The following PDE7B variants were observed in gnomAD, a reference collection of about 807,000 sequenced individuals.
The protein encoded by PDE7B is phosphodiesterase 7B.
Under a neutral mutation model 56.2 loss-of-function variants are expected in PDE7B, and 29 were observed. The ratio of observed to expected loss-of-function variants is 0.52; its 90% CI spans 0.38 to 0.70. The LOEUF is 0.70. Among genes scored for constraint, PDE7B ranks in the 30% least tolerant of loss-of-function variants. The probability of loss-of-function intolerance (pLI) is 0.00; values close to 1 mark genes in which losing one functional copy is unlikely to be tolerated. For missense variants in PDE7B, 490 were observed against 565.0 expected (o/e 0.87, Z 1.35); for synonymous variants, 197 against 196.9 (o/e 1.00, Z 0.00).
chr6:136,011,726 C>T (rs549727959), intron 2 of PDE7B, among the ~76,000 whole-genome samples: 1 of 152,246 alleles, frequency 6.6e-6, no homozygotes, highest in African/African-American at 2.4e-5. Context: ...AGTTGCTAAC[C>T]TGATGAAACA....
At chr6:136,184,137 T>C in intron 11 of PDE7B, among the ~76,000 whole-genome samples, 1 of 152,234 alleles carries the variant, frequency 6.6e-6, no homozygotes, top group East Asian at 1.9e-4. Context: ...GGAGATATTA[T>C]GAAGAATGCA....
chr6:135,955,216 C>T (rs75752821), intron 2 of PDE7B, among the ~76,000 whole-genome samples: 31 of 152,004 alleles, frequency 2.0e-4, no homozygotes, highest in African/African-American at 6.5e-4. Flanking sequence ...GACACAGGGA[C>T]GACCACACAA....
intron 2 of PDE7B, among the ~76,000 whole-genome samples, chr6:135,957,675 G>C (rs1323520738): frequency 6.6e-6 from 1 of 152,114 alleles, no homozygotes; most frequent in Non-Finnish European, 1.5e-5. Flanking sequence ...AGCACCCTGT[G>C]TTGGCCTAGA....
chr6:135,906,519 T>A (rs1776107925), intron 1 of PDE7B, among the ~76,000 whole-genome samples: 1 of 152,166 alleles, frequency 6.6e-6, no homozygotes, highest in South Asian at 2.1e-4. Context: ...TTACAGCTCT[T>A]GCCCACCCAA....
At chr6:136,013,381 G>A (rs1399883143) in intron 2 of PDE7B, among the ~76,000 whole-genome samples, 1 of 152,200 alleles carries the variant, frequency 6.6e-6, no homozygotes, top group Non-Finnish European at 1.5e-5. Context: ...TCCAAATCCT[G>A]TAGACTGGAA....
At chr6:135,936,954 T>C (rs1248175538) in intron 1 of PDE7B, among the ~76,000 whole-genome samples, 1 of 152,228 alleles carries the variant, frequency 6.6e-6, no homozygotes, top group Non-Finnish European at 1.5e-5. Flanking sequence ...AAGAAATCTA[T>C]CTGATTGTGA....
At chr6:135,944,981 T>C (rs1327610158) in intron 1 of PDE7B, among the ~76,000 whole-genome samples, 1 of 152,212 alleles carries the variant, frequency 6.6e-6, no homozygotes, top group Non-Finnish European at 1.5e-5. Context: ...TGTGAATTGA[T>C]AGAGCTTCCT....
At chr6:136,063,124 C>A (rs1776871531) in intron 2 of PDE7B, among the ~76,000 whole-genome samples, 1 of 152,054 alleles carries the variant, frequency 6.6e-6, no homozygotes, top group Non-Finnish European at 1.5e-5. Flanking sequence ...TATTAGCGAC[C>A]CTGCCTACAA....
At chr6:136,174,020 T>C in intron 9 of PDE7B, 132 bp downstream of exon 9, 1 of 658,506 alleles carries the variant, frequency 1.5e-6, no homozygotes, top group South Asian at 1.8e-5. Flanking sequence ...TGCACTGAGC[T>C]GTCTATCAGA....
At chr6:136,109,365 G>A (rs981590548) in intron 3 of PDE7B, among the ~76,000 whole-genome samples, 3 of 152,164 alleles carry the variant, frequency 2.0e-5, no homozygotes, top group Non-Finnish European at 4.4e-5. Context: ...CTCAAAAACT[G>A]TGATGCCCTA....
intron 2 of PDE7B, among the ~76,000 whole-genome samples, chr6:135,959,973 C>A (rs1358383139): frequency 6.6e-6 from 1 of 152,100 alleles, no homozygotes; most frequent in African/African-American, 2.4e-5. Context: ...GGGGTTTCAC[C>A]ATCTTGCCCA....
chr6:135,955,836 T>C (rs1403506559), intron 2 of PDE7B, among the ~76,000 whole-genome samples: 1 of 152,116 alleles, frequency 6.6e-6, no homozygotes, highest in Non-Finnish European at 1.5e-5. Flanking sequence ...GTATGAAGTG[T>C]TATTAAACAG....
At chr6:136,046,408 T>C (rs1776508973) in intron 2 of PDE7B, 1 of 152,200 alleles carries the variant, frequency 6.6e-6, no homozygotes, top group Admixed American at 6.5e-5. Flanking sequence ...TTAAACTTGT[T>C]AATTAGCACC....
intron 8 of PDE7B, 42 bp downstream of exon 8, chr6:136,155,800 C>A (rs751788124): frequency 6.2e-7 from 1 of 1,603,308 alleles, no homozygotes; most frequent in Non-Finnish European, 8.5e-7. Context: ...TATGGTCAAT[C>A]GCCTTAGGCC....
At chr6:136,061,293 C>T (rs904091209) in intron 2 of PDE7B, among the ~76,000 whole-genome samples, 2 of 152,132 alleles carry the variant, frequency 1.3e-5, no homozygotes, top group African/African-American at 2.4e-5. Flanking sequence ...AAAATATTCA[C>T]ACCGTTACAT....
At chr6:135,896,035 T>G (rs1286791495) in intron 1 of PDE7B, among the ~76,000 whole-genome samples, 1 of 152,176 alleles carries the variant, frequency 6.6e-6, no homozygotes, top group Non-Finnish European at 1.5e-5. Flanking sequence ...TTCTCTGCAT[T>G]TGGTATATTT....
In PDE7B at chr6:136,174,588, C is replaced by T. The variant is rs77350170; in HGVS notation, c.803+700C>T. Among the ~76,000 whole-genome samples the T allele has an allele frequency of 6.0e-3, 909 of 152,196 alleles. 5 individuals are homozygous for T. Among genetic ancestry groups the T allele is most frequent in the African/African-American group, 0.017 (690 of 41,510 alleles). On this transcript the variant is annotated intron_variant, in intron 9 of 12. Transcript: ENST00000308191. ...TTAATTCTGATCTGTTTAATGAACA[C>T]GTGCAGAACCCAAGAAACCTAGGTG...
chr6:135,972,023 T>G (rs1255195608), intron 2 of PDE7B, among the ~76,000 whole-genome samples: 1 of 151,374 alleles, frequency 6.6e-6, no homozygotes, highest in African/African-American at 2.4e-5. Context: ...TCACCTGAGG[T>G]TGGGAGTTCA....
chr6:135,999,627 T>C (rs1483300515), intron 2 of PDE7B, among the ~76,000 whole-genome samples: 2 of 152,220 alleles, frequency 1.3e-5, no homozygotes, highest in South Asian at 2.1e-4. Flanking sequence ...TATTCCATTA[T>C]GTATATATAC....
Sources: gnomAD v4.1 joint callset for allele counts (sites outside exome capture counted in the v4.1 genomes callset) on GRCh38, gnomAD v4.1.1 for gene constraint, MANE v1.5 for transcripts, NCBI Gene and HGNC (gene_info 2026-07-23, HGNC 2026-07-21) for gene names.